ALDH1L1: variants seen among roughly 807,000 people sequenced by gnomAD.
The protein encoded by ALDH1L1 is cytosolic 10-formyltetrahydrofolate dehydrogenase.
In ALDH1L1, 68 loss-of-function variants were observed where a neutral mutation model predicts 101.1. That is an observed-to-expected ratio of 0.67 (90% CI 0.55 to 0.82). ALDH1L1 has a LOEUF of 0.82. Ranked by LOEUF, ALDH1L1 falls within the 40% of genes least tolerant of loss-of-function variation. The pLI is 0.00. For missense variants in ALDH1L1, 1,087 were observed against 1,172.7 expected (o/e 0.93, Z 1.07); for synonymous variants, 486 against 470.8 (o/e 1.03, Z -0.42).
chr3:126,170,471 T>TA (rs2081252487), intron 1 of ALDH1L1, among the ~76,000 whole-genome samples: 1 of 143,626 alleles, frequency 7.0e-6, no homozygotes, highest in Non-Finnish European at 1.5e-5. Flanking sequence ...CAGTCGGGCC[T>TA]AATAAAAAAT....
At position 126,105,919 on chromosome 3, in the gene ALDH1L1, C is replaced by T; in HGVS notation, c.2460G>A (p.Leu820=). Residue 820 remains leucine (L), a synonymous_variant, in exon 22 of 23, where the codon TTG becomes TTA. Transcript: ENST00000393434. ...CATTGGCCCGAGACAGCACGGCATCCAAGTCCCTGGAGAGAAAGTCCAGGA... is the reference window on the plus strand; with the variant it reads ...CATTGGCCCGAGACAGCACGGCATCTAAGTCCCTGGAGAGAAAGTCCAGGA... The part of the protein sequence containing the change: ...MIISRFADGD[L]DAVLSRANAT... The T allele has an allele frequency of 6.2e-7, 1 of 1,612,536 alleles. No individual in the cohort carries two copies.
At chr3:126,114,776 G>A (rs775339907) in intron 17 of ALDH1L1, 120 bp from the exon 18 acceptor site, 42 of 912,886 alleles carry the variant, frequency 4.6e-5, no homozygotes, top group African/African-American at 1.3e-4. Flanking sequence ...AGCAAGACCC[G>A]GCCAGTGCCT....
At chr3:126,155,148 T>A (rs2080879758) in intron 5 of ALDH1L1, among the ~76,000 whole-genome samples, 1 of 152,162 alleles carries the variant, frequency 6.6e-6, no homozygotes, top group Non-Finnish European at 1.5e-5. Flanking sequence ...CCCTGTGGGC[T>A]TTGTCTGCCC....
intron 1 of ALDH1L1, among the ~76,000 whole-genome samples, chr3:126,168,665 C>A (rs2081215946): frequency 6.6e-6 from 1 of 152,012 alleles, no homozygotes; most frequent in South Asian, 2.1e-4. Flanking sequence ...CTTTCCTAAC[C>A]CCTGGCTTTT....
chr3:126,173,593 T>C (rs1417163720), intron 1 of ALDH1L1, among the ~76,000 whole-genome samples: 3 of 152,184 alleles, frequency 2.0e-5, no homozygotes, highest in Non-Finnish European at 4.4e-5. Flanking sequence ...TAAATATTAA[T>C]CCAACTATAT....
chr3:126,190,134 T>C (rs1163111833), intron 1 of ALDH1L1, among the ~76,000 whole-genome samples: 1 of 152,210 alleles, frequency 6.6e-6, no homozygotes, highest in East Asian at 1.9e-4. Flanking sequence ...CTTTCTTACA[T>C]GGGAAAGCTT....
chr3:126,113,108 G>A (rs868059584), intron 18 of ALDH1L1, among the ~76,000 whole-genome samples: 10 of 152,256 alleles, frequency 6.6e-5, no homozygotes, highest in Middle Eastern at 3.4e-3. Context: ...GAGACACCAC[G>A]CCCCAACTCC....
rs1336726739 is a variant in ALDH1L1 at position 126,131,461 on chromosome 3, T to C, written c.1546A>G (p.Thr516Ala). 3 of 1,613,522 alleles carry C rather than the reference T, an allele frequency of 1.9e-6. 1 individual carries two copies. In the South Asian group the frequency reaches 3.3e-5, roughly 18 times the overall value. The change falls in exon 13 of 23, where the codon ACG becomes GCG. Residue 516 changes from threonine to alanine, a missense_variant. Physicochemically the swap from Thr to Ala is moderately conservative, Grantham distance 58. Around this residue, in one of 2 missense-constraint regions of ALDH1L1, gnomAD observed 442 missense variants for 535.7 expected, o/e 0.83. Coordinates refer to ENST00000393434, the MANE Select transcript of ALDH1L1 (RefSeq NM_012190.4). The stretch of plus-strand genomic sequence containing the variant: ...CCCACGTGGGTCTTCAGGGCCAGCG[T>C]GTAGACGGCACCCGCATCCAGGGCC... ...IEALDAGAVY[T>A]LALKTHVGMS... is the part of the protein sequence containing the mutation.
Position 126,158,648 on chromosome 3 carries a change from C to A in ALDH1L1, c.128-9G>T. ...CTTCTCAGCTTCCAGACCTGTGGGA[C>A]GGTGGATAAGAAACTGGCCCCTCTC... On this transcript the variant is annotated splice_polypyrimidine_tract_variant and intron_variant, in intron 2 of 22. Coordinates refer to ENST00000393434, the MANE Select transcript of ALDH1L1 (RefSeq NM_012190.4). The A allele has an allele frequency of 1.2e-6, 2 of 1,606,844 alleles. No individual in the cohort carries two copies. Among genetic ancestry groups the A allele is most frequent in the Non-Finnish European group, 1.7e-6 (2 of 1,173,916 alleles).
chr3:126,124,504 G>T, intron 15 of ALDH1L1, 53 bp from the exon 16 acceptor site: 1 of 1,464,030 alleles, frequency 6.8e-7, no homozygotes, highest in Non-Finnish European at 9.5e-7. Context: ...TGAAAGTGGG[G>T]CTCTGCCTTC....
chr3:126,132,438 T>C (rs752850083), intron 12 of ALDH1L1, among the ~76,000 whole-genome samples: 2 of 152,220 alleles, frequency 1.3e-5, no homozygotes, highest in African/African-American at 4.8e-5. Flanking sequence ...ACTCTGTGCC[T>C]GGCCAAGCAG....
At chr3:126,187,061 A>G (rs983632710) in intron 1 of ALDH1L1, among the ~76,000 whole-genome samples, 4 of 152,132 alleles carry the variant, frequency 2.6e-5, no homozygotes, top group African/African-American at 9.7e-5. Flanking sequence ...GGCTGCTGCC[A>G]TTCCTGGAGC....
chr3:126,109,602 G>A (rs1286459350), intron 20 of ALDH1L1, among the ~76,000 whole-genome samples: 2 of 152,196 alleles, frequency 1.3e-5, no homozygotes, highest in Non-Finnish European at 2.9e-5. Flanking sequence ...TGAAGCAACG[G>A]CTGAGAGGTT....
At chr3:126,160,304 T>A (rs2081015712) in intron 2 of ALDH1L1, 1 of 152,928 alleles carries the variant, frequency 6.5e-6, no homozygotes, top group Admixed American at 6.5e-5. Flanking sequence ...CAAATGCAGT[T>A]CCCCATTACC....
intron 7 of ALDH1L1, chr3:126,153,223 G>T: frequency 1.5e-6 from 1 of 655,158 alleles, no homozygotes. Context: ...AGGGTAGGGA[G>T]CCCAGCTTTC....
chr3:126,162,717 T>A (rs2081086603), intron 1 of ALDH1L1, among the ~76,000 whole-genome samples: 1 of 152,214 alleles, frequency 6.6e-6, no homozygotes, highest in Admixed American at 6.5e-5. Context: ...TATCAAACAT[T>A]TCCTTTATGT....
intron 15 of ALDH1L1, 128 bp downstream of exon 15, chr3:126,125,488 G>A (rs2080162957): frequency 3.2e-6 from 2 of 615,772 alleles, no homozygotes; most frequent in Non-Finnish European, 2.5e-6. Flanking sequence ...GAGGGCAGCT[G>A]GCATTAGCAG....
chr3:126,105,509 C>T (rs1231547369), intron 22 of ALDH1L1: 10 of 605,878 alleles, frequency 1.7e-5, no homozygotes, highest in Non-Finnish European at 3.0e-5. Flanking sequence ...CTCCTCCAGG[C>T]CCCTCTTCTT....
intron 1 of ALDH1L1, among the ~76,000 whole-genome samples, chr3:126,192,612 G>A (rs948810426): frequency 3.9e-5 from 6 of 152,150 alleles, no homozygotes; most frequent in African/African-American, 1.4e-4. Flanking sequence ...GATAAGTCTT[G>A]CCCTAGTGAG....
Sources: gnomAD v4.1 joint callset for allele counts (sites outside exome capture counted in the v4.1 genomes callset) on GRCh38, gnomAD v4.1.1 for gene constraint, gnomAD v4.1.1 regional missense constraint, MANE v1.5 for transcripts, NCBI Gene and HGNC (gene_info 2026-07-23, HGNC 2026-07-21) for gene names.